Variants in MAML3 observed in about 807,000 individuals in gnomAD.
MAML3 encodes mastermind like transcriptional coactivator 3.
MAML3 carries 27 observed loss-of-function variants against 101.9 expected under a neutral mutation model. The observed-to-expected ratio is 0.27, with a 90% CI of 0.20 to 0.37. The LOEUF (loss-of-function observed/expected upper bound fraction) is 0.37, where lower values mean the gene tolerates loss of function less well. MAML3 is among the 10% of genes least tolerant of loss of function. The probability of loss-of-function intolerance (pLI) is 1.00; values close to 1 mark genes in which losing one functional copy is unlikely to be tolerated. For synonymous variants in MAML3, 501 were observed against 555.9 expected (o/e 0.90, Z 1.39); for missense variants, 1,316 against 1,444.9 (o/e 0.91, Z 1.45).
intron 1 of MAML3, among the ~76,000 whole-genome samples, chr4:140,044,535 C>A (rs1222608004): frequency 6.6e-6 from 1 of 152,130 alleles, no homozygotes; most frequent in African/African-American, 2.4e-5. Flanking sequence ...AAATACATGC[C>A]AGTTTTTCAC....
intron 1 of MAML3, among the ~76,000 whole-genome samples, chr4:140,005,417 A>G (rs1339910664): frequency 6.6e-6 from 1 of 152,262 alleles, no homozygotes; most frequent in Non-Finnish European, 1.5e-5. Context: ...TGTTGGAAAC[A>G]TGATCACCAC....
At chr4:140,114,379 TAA>T (rs576505012) in intron 1 of MAML3, among the ~76,000 whole-genome samples, 300 of 152,368 alleles carry the variant, frequency 2.0e-3, no homozygotes, top group African/African-American at 6.7e-3. Context: ...TTTGCTGAAT[TAA>T]AGACTGTAGC....
At chr4:139,728,573 T>C (rs963050489) in intron 3 of MAML3, among the ~76,000 whole-genome samples, 2 of 152,224 alleles carry the variant, frequency 1.3e-5, no homozygotes, top group Non-Finnish European at 2.9e-5. Flanking sequence ...GGACAAATCT[T>C]GGCCCTGAGG....
chr4:140,091,950 T>C (rs1024223880), intron 1 of MAML3, among the ~76,000 whole-genome samples: 4 of 151,382 alleles, frequency 2.6e-5, no homozygotes, highest in Admixed American at 6.6e-5. Flanking sequence ...TTATTTCCTA[T>C]CTATTTATTT....
intron 2 of MAML3, among the ~76,000 whole-genome samples, chr4:139,733,822 G>GA (rs1464586141): frequency 6.6e-6 from 1 of 152,110 alleles, no homozygotes; most frequent in African/African-American, 2.4e-5. Context: ...GTAGGTGGGG[G>GA]ACTACAGGTT....
intron 1 of MAML3, among the ~76,000 whole-genome samples, chr4:140,142,988 T>A (rs1343687009): frequency 6.6e-6 from 1 of 152,140 alleles, no homozygotes. Context: ...CACCAACTAA[T>A]CCTCTCCTCT....
chr4:139,837,660 C>G (rs1031500342), intron 2 of MAML3, among the ~76,000 whole-genome samples: 1 of 152,092 alleles, frequency 6.6e-6, no homozygotes, highest in African/African-American at 2.4e-5. Context: ...TGGCTCATGC[C>G]CGTAATCCCA....
chr4:140,038,087 T>A (rs953071292), intron 1 of MAML3, among the ~76,000 whole-genome samples: 6 of 152,252 alleles, frequency 3.9e-5, no homozygotes, highest in Non-Finnish European at 8.8e-5. Flanking sequence ...ATGTGATTAA[T>A]AAAGATCACA....
chr4:140,099,264 C>T (rs1728215284), intron 1 of MAML3, among the ~76,000 whole-genome samples: 1 of 151,156 alleles, frequency 6.6e-6, no homozygotes, highest in African/African-American at 2.4e-5. Context: ...CACACACGTG[C>T]ACACAAACAA....
At chr4:139,841,459 C>T (rs1731359004) in intron 2 of MAML3, among the ~76,000 whole-genome samples, 1 of 152,228 alleles carries the variant, frequency 6.6e-6, no homozygotes, top group Admixed American at 6.5e-5. Flanking sequence ...TTTCAAGATG[C>T]AAGCGCCTTG....
chr4:139,958,071 C>T (rs1733944290), intron 1 of MAML3, among the ~76,000 whole-genome samples: 1 of 152,098 alleles, frequency 6.6e-6, no homozygotes, highest in South Asian at 2.1e-4. Flanking sequence ...CAAACAATAC[C>T]CATCCTTGAT....
intron 1 of MAML3, among the ~76,000 whole-genome samples, chr4:140,086,468 A>G (rs1335865111): frequency 5.3e-5 from 8 of 152,242 alleles, no homozygotes; most frequent in African/African-American, 1.7e-4. Context: ...CGATCTTCTC[A>G]GTATCAATGT....
intron 2 of MAML3, among the ~76,000 whole-genome samples, chr4:139,827,045 C>T (rs1290927910): frequency 6.6e-6 from 1 of 152,080 alleles, no homozygotes; most frequent in African/African-American, 2.4e-5. Flanking sequence ...CTGGCTAAAG[C>T]AGGGCTGTGA....
intron 1 of MAML3, among the ~76,000 whole-genome samples, chr4:140,083,928 G>GCA (rs1560888239): frequency 2.0e-5 from 2 of 98,676 alleles, no homozygotes; most frequent in Non-Finnish European, 3.9e-5. Flanking sequence ...AAACACACAC[G>GCA]CGCGCACACA....
At chr4:140,074,192 A>C (rs1727718421) in intron 1 of MAML3, among the ~76,000 whole-genome samples, 1 of 109,732 alleles carries the variant, frequency 9.1e-6, no homozygotes, top group African/African-American at 3.2e-5. Flanking sequence ...AGAGAGAGAG[A>C]AAGAAAGAGA....
rs543202218 is a variant in MAML3 at position 140,087,909 on chromosome 4, A to C, written c.468+64951T>G. 2.0e-5 allele frequency among the ~76,000 whole-genome samples: 3 copies of C among 152,336 alleles called. No homozygotes were observed. In the South Asian group the frequency reaches 6.2e-4, roughly 32 times the overall value. ...ACTTCAGGAAAATGAGATTATATTT[A>C]GCCTTCTGAAAATGAGTAACAATCA... On this transcript the variant is annotated intron_variant, in intron 1 of 4. Coordinates refer to ENST00000509479, the MANE Select transcript of MAML3 (RefSeq NM_018717.5).
At chr4:139,894,511 AAAAGAAAGAAAGAAAGAAAGAAAG>A (rs58209239) in intron 1 of MAML3, among the ~76,000 whole-genome samples, 34 of 136,474 alleles carry the variant, frequency 2.5e-4, no homozygotes, top group African/African-American at 6.2e-4. Context: ...TCCATCTTAA[AAAAGAAAGAAAGAAAGAAAGAAAG>A]AAAGAAAGAA....
At chr4:139,798,487 T>C (rs953374860) in intron 2 of MAML3, among the ~76,000 whole-genome samples, 5 of 152,218 alleles carry the variant, frequency 3.3e-5, no homozygotes, top group African/African-American at 1.2e-4. Context: ...GGTACCACAC[T>C]GGCCCACCTT....
At chr4:140,115,148 A>G (rs991350939) in intron 1 of MAML3, among the ~76,000 whole-genome samples, 1 of 152,236 alleles carries the variant, frequency 6.6e-6, no homozygotes, top group Non-Finnish European at 1.5e-5. Context: ...GATATGTAAA[A>G]TAATTTGTTT....
Sources: gnomAD v4.1 joint callset for allele counts (sites outside exome capture counted in the v4.1 genomes callset) on GRCh38, gnomAD v4.1.1 for gene constraint, MANE v1.5 for transcripts, NCBI Gene and HGNC (gene_info 2026-07-23, HGNC 2026-07-21) for gene names.